The following DCAF17 variants were observed in gnomAD, a reference collection of about 807,000 sequenced individuals.
The protein encoded by DCAF17 is DDB1- and CUL4-associated factor 17.
In DCAF17, 48 loss-of-function variants were observed where a neutral mutation model predicts 66.0. The observed-to-expected ratio is 0.73, with a 90% CI of 0.58 to 0.92. The LOEUF (loss-of-function observed/expected upper bound fraction) is 0.92, where lower values mean the gene tolerates loss of function less well. Among genes scored for constraint, DCAF17 ranks in the 40% least tolerant of loss-of-function variants. The pLI, the probability that DCAF17 is intolerant of heterozygous loss-of-function variation, is 0.00. For missense variants in DCAF17, 562 were observed against 622.8 expected (o/e 0.90, Z 1.04); for synonymous variants, 206 against 214.6 (o/e 0.96, Z 0.35).
At chr2:171,436,510 ACTGTGGTTTTG>A (rs1693967219) in intron 2 of DCAF17, among the ~76,000 whole-genome samples, 3 of 152,132 alleles carry the variant, frequency 2.0e-5, no homozygotes, top group Admixed American at 2.0e-4. Context: ...ACAGCATCTC[ACTGTGGTTTTG>A]ATTCCATTTT....
chr2:171,471,823 T>C (rs1024355805), intron 9 of DCAF17, among the ~76,000 whole-genome samples: 1 of 152,106 alleles, frequency 6.6e-6, no homozygotes, highest in Non-Finnish European at 1.5e-5. Flanking sequence ...AAGATCAGCC[T>C]GGGCAGCATG....
At chr2:171,457,172 G>A (rs186542881) in intron 6 of DCAF17, among the ~76,000 whole-genome samples, 1 of 152,298 alleles carries the variant, frequency 6.6e-6, no homozygotes, top group East Asian at 1.9e-4. Context: ...CCTTCTAAGA[G>A]ATGACAAAAA....
Position 171,434,674 on chromosome 2 carries a change from C to A in DCAF17, c.97C>A (p.Leu33Met), listed in dbSNP as rs1693696813. The A allele has an allele frequency of 2.6e-6, 4 of 1,509,612 alleles. No homozygotes were observed. Among genetic ancestry groups the A allele is most frequent in the Non-Finnish European group, 3.5e-6 (4 of 1,138,280 alleles). The allele number at this position is 1,509,612 out of a possible 1,614,324, so 93.5% of individuals were successfully genotyped here. The change falls in exon 1 of 14, where the codon CTG becomes ATG. Residue 33 changes from leucine to methionine, a missense_variant. Around this residue, in one of 3 missense-constraint regions of DCAF17, gnomAD observed 348 missense variants for 355.9 expected, o/e 0.98. Coordinates refer to ENST00000375255, the MANE Select transcript of DCAF17 (RefSeq NM_025000.4). ...CGCAGGCGTGGTGCAGAGGACCAAC[C>A]TGGGCATCCTGCGGGCGCTGGTGTG... ...RDAGVVQRTN[L>M]GILRALVCQE...
intron 9 of DCAF17, among the ~76,000 whole-genome samples, chr2:171,472,607 G>A (rs904584756): frequency 1.3e-5 from 2 of 152,024 alleles, no homozygotes; most frequent in Non-Finnish European, 2.9e-5. Flanking sequence ...TGGTGCATGG[G>A]TCAATCACTT....
chr2:171,451,257 G>A (rs1261923512), intron 5 of DCAF17, among the ~76,000 whole-genome samples: 1 of 151,856 alleles, frequency 6.6e-6, no homozygotes, highest in Non-Finnish European at 1.5e-5. Context: ...TTTTTATCAT[G>A]GTTATCTGAA....
chr2:171,450,823 C>A (rs1266951213), intron 5 of DCAF17, among the ~76,000 whole-genome samples: 1 of 152,076 alleles, frequency 6.6e-6, no homozygotes, highest in Non-Finnish European at 1.5e-5. Context: ...TCAGCACACT[C>A]CTTTCAGTAG....
intron 8 of DCAF17, among the ~76,000 whole-genome samples, chr2:171,463,695 A>G (rs1253666431): frequency 6.6e-6 from 1 of 152,224 alleles, no homozygotes; most frequent in African/African-American, 2.4e-5. Flanking sequence ...TACAAATAGC[A>G]TATTTCTATA....
In DCAF17 at chr2:171,448,688, T is replaced by C. The variant is rs377736393; in HGVS notation, c.329T>C (p.Ile110Thr). ...CTCTCTTTTTTTTTTTAGGGAGATA[T>C]ACTTCCCAATTCATCAGATTATAAG... ...ALLWECPVGD[I>T]LPNSSDYKSS... Residue 110 changes from isoleucine (I) to threonine (T), a missense_variant, in exon 4 of 14, where the codon ATA becomes ACA. Ile to Thr is a moderately conservative substitution (Grantham distance 89). This residue lies in a region of DCAF17 where 348 missense variants were observed against 355.9 expected (regional missense o/e 0.98). Transcript: ENST00000375255. 42 of 1,586,426 alleles carry C rather than the reference T, an allele frequency of 2.6e-5. No homozygotes were observed. Among genetic ancestry groups the C allele is most frequent in the Non-Finnish European group, 3.1e-5 (36 of 1,167,904 alleles).
chr2:171,451,570 T>TTTTTG (rs908191104), intron 5 of DCAF17, among the ~76,000 whole-genome samples: 51 of 152,256 alleles, frequency 3.3e-4, no homozygotes, highest in Non-Finnish European at 4.7e-4. Flanking sequence ...AGAGCAAGAA[T>TTTTTG]TTTTGTTTTG....
At chr2:171,449,772 A>G in intron 4 of DCAF17, 107 bp from the exon 5 acceptor site, 1 of 737,880 alleles carries the variant, frequency 1.4e-6, no homozygotes, top group Non-Finnish European at 2.1e-6. Flanking sequence ...CTTTGCTTTT[A>G]TAATTTAAAT....
intron 9 of DCAF17, among the ~76,000 whole-genome samples, chr2:171,472,658 G>A (rs1028513367): frequency 6.6e-6 from 1 of 152,050 alleles, no homozygotes; most frequent in South Asian, 2.1e-4. Flanking sequence ...CAATAACTGC[G>A]TTATTATTTT....
In DCAF17 at chr2:171,435,137, T is replaced by C. The variant is rs1321628221; in HGVS notation, c.181T>C (p.Tyr61His). Residue 61 changes from tyrosine to histidine, a missense_variant, in exon 2 of 14, where the codon TAT becomes CAT. Physicochemically the swap from Tyr to His is moderately conservative, Grantham distance 83. This residue lies in a region of DCAF17 where 348 missense variants were observed against 355.9 expected (regional missense o/e 0.98). Transcript: ENST00000375255. The stretch of plus-strand genomic sequence containing the variant: ...AACTCATTCCAGGTCACCTATAGCC[T>C]ATGAGAGAGGAAGAATATATTTTGA... Reference protein sequence around the residue: ...WTTHSRSPIAYERGRIYFDNY... With the variant: ...WTTHSRSPIAHERGRIYFDNY... 8 of 1,613,726 alleles carry C rather than the reference T, an allele frequency of 5.0e-6. No individual in the cohort carries two copies. Among genetic ancestry groups the C allele is most frequent in the Non-Finnish European group, 6.8e-6 (8 of 1,179,692 alleles).
Position 171,434,501 on chromosome 2 carries a change from G to C in DCAF17, c.-77G>C. 6.6e-7 allele frequency: 1 copy of C among 1,522,692 alleles called. No individual in the cohort carries two copies. Among genetic ancestry groups the C allele is most frequent in the Non-Finnish European group, 8.8e-7 (1 of 1,139,812 alleles). The allele number at this position is 1,522,692 out of a possible 1,614,324, so 94.3% of individuals were successfully genotyped here. A position where few individuals can be genotyped will look rare whatever the true frequency, so the allele number is the denominator to read the frequency against. On this transcript the variant is annotated 5_prime_UTR_variant, in exon 1 of 14. Transcript: ENST00000375255. ...GTCTGGGCCTCGAAATTCGAAGGCA[G>C]CGGCGGCTGCCCAGCACGGGAGTGT...
chr2:171,462,681 T>C (rs980208693), intron 8 of DCAF17, among the ~76,000 whole-genome samples: 3 of 152,172 alleles, frequency 2.0e-5, no homozygotes. Flanking sequence ...CGTGTACTCC[T>C]TGAACCCAGC....
chr2:171,455,336 CTTGTTCTTT>C (rs1345782748), intron 6 of DCAF17, among the ~76,000 whole-genome samples: 3 of 152,142 alleles, frequency 2.0e-5, no homozygotes, highest in Non-Finnish European at 4.4e-5. Flanking sequence ...AGGACATGAT[CTTGTTCTTT>C]TTGTGGCTGC....
At chr2:171,435,638 T>TC (rs1421318428) in intron 2 of DCAF17, among the ~76,000 whole-genome samples, 1 of 151,786 alleles carries the variant, frequency 6.6e-6, no homozygotes, top group African/African-American at 2.4e-5. Context: ...TCCACAACTG[T>TC]CCAACATGAG....
At chr2:171,479,970 C>T (rs1437942786) in intron 12 of DCAF17, 68 bp from the exon 13 acceptor site, 12 of 1,552,034 alleles carry the variant, frequency 7.7e-6, no homozygotes, top group African/African-American at 1.4e-5. Flanking sequence ...ACTATAAATA[C>T]AGAAATAAGC....
intron 13 of DCAF17, among the ~76,000 whole-genome samples, chr2:171,480,766 T>C (rs1696705911): frequency 6.6e-6 from 1 of 152,150 alleles, no homozygotes; most frequent in South Asian, 2.1e-4. Flanking sequence ...GGGTCCAGAG[T>C]TCTTTTTATT....
Position 171,435,159 on chromosome 2 carries a change from T to G in DCAF17, c.203T>G (p.Phe68Cys), listed in dbSNP as rs1224937342. The G allele has an allele frequency of 6.2e-6, 10 of 1,613,660 alleles. No individual in the cohort carries two copies. Among genetic ancestry groups the G allele is most frequent in the Middle Eastern group, 3.3e-4 (2 of 6,056 alleles). ...PIAYERGRIY[F>C]DNYRRCVSSV... ...GCCTATGAGAGAGGAAGAATATATTTTGACAATTATCGGCGCTGTGTCAGC... is the reference window on the plus strand; with the variant it reads ...GCCTATGAGAGAGGAAGAATATATTGTGACAATTATCGGCGCTGTGTCAGC... Residue 68 changes from phenylalanine to cysteine, a missense_variant, in exon 2 of 14, where the codon TTT becomes TGT. Around this residue, in one of 3 missense-constraint regions of DCAF17, gnomAD observed 348 missense variants for 355.9 expected, o/e 0.98. Transcript: ENST00000375255.
Sources: allele counts gnomAD v4.1 joint callset (sites outside exome capture counted in the v4.1 genomes callset), GRCh38; gene constraint gnomAD v4.1.1; regional missense constraint gnomAD v4.1.1; transcripts MANE v1.5; gene names NCBI Gene and HGNC (gene_info 2026-07-23, HGNC 2026-07-21).